CHD8: variants seen among roughly 807,000 people sequenced by gnomAD.
CHD8 encodes ATP-dependent chromatin remodeler CHD8.
In CHD8, 31 loss-of-function variants were observed where a neutral mutation model predicts 279.2. The observed-to-expected ratio is 0.11, with a 90% CI of 0.08 to 0.15. The LOEUF is 0.15. Among genes scored for constraint, CHD8 ranks in the 10% least tolerant of loss-of-function variants. The pLI, the probability that CHD8 is intolerant of heterozygous loss-of-function variation, is 1.00. For missense variants in CHD8, 2,146 were observed against 3,230.5 expected (o/e 0.66, Z 8.14); for synonymous variants, 1,081 against 1,139.6 (o/e 0.95, Z 1.04).
chr14:21,386,405 C>T (rs996560743), intron 37 of CHD8: 5 of 562,146 alleles, frequency 8.9e-6, no homozygotes, highest in Admixed American at 3.1e-5. Flanking sequence ...GATTTTGTAC[C>T]GAAACTCATA....
chr14:21,453,385 C>A (rs1465830569), intron 1 of CHD8, among the ~76,000 whole-genome samples: 3 of 151,560 alleles, frequency 2.0e-5, no homozygotes, highest in Middle Eastern at 3.2e-3. Context: ...GGAAAGTGAG[C>A]AAAATCACAG....
At chr14:21,448,814 C>T (rs1390200208) in intron 1 of CHD8, among the ~76,000 whole-genome samples, 2 of 151,174 alleles carry the variant, frequency 1.3e-5, no homozygotes, top group Non-Finnish European at 3.0e-5. Context: ...CCACCCGCCT[C>T]GCCCTCCCAA....
rs144897124 is a variant in CHD8, at chr14:21,417,059, G to A, written c.1717-1152C>T. 5.5e-3 allele frequency among the ~76,000 whole-genome samples: 837 copies of A among 152,170 alleles called. 9 individuals carry two copies. Among genetic ancestry groups the A allele is most frequent in the African/African-American group, 0.019 (800 of 41,532 alleles). ...AGGTTGCAGTGAGCAAACTTCATTA[G>A]TATAAAATTAATTTTATACCAATAC... On this transcript the variant is annotated intron_variant, in intron 5 of 37. Transcript: ENST00000646647.
rs2139427238 is a variant in CHD8 at position 21,385,457 on chromosome 14, A to T, written c.*156T>A. On this transcript the variant is annotated 3_prime_UTR_variant, in exon 38 of 38. Coordinates refer to ENST00000646647, the MANE Select transcript of CHD8 (RefSeq NM_001170629.2). ...CCCACCCAATCCTCTCATAATTGGG[A>T]GCAATCAGGTACATTTTTTTTTTTT... The T allele has an allele frequency of 8.2e-7, 1 of 1,213,120 alleles. No homozygotes were observed. Among genetic ancestry groups the T allele is most frequent in the East Asian group, 2.6e-5 (1 of 38,736 alleles). 75.1% of individuals were successfully genotyped at this position (1,213,120 alleles called of 1,614,324 possible). A position where few individuals can be genotyped will look rare whatever the true frequency, so the allele number is the denominator to read the frequency against.
Position 21,400,614 on chromosome 14 carries a change from TA to T in CHD8, c.4371-3del. ...AAAATATCTCGCCATCGTCCCCAAC[TA>T]AAAAACAGAAAACTATATTAACATT... On this transcript the variant is annotated splice_region_variant and splice_polypyrimidine_tract_variant and intron_variant, in intron 22 of 37. Coordinates refer to ENST00000646647, the MANE Select transcript of CHD8 (RefSeq NM_001170629.2). This position sits in a 1 kb window ranked among gnomAD's most constrained non-coding sequence, Gnocchi z 4.2. 6.4e-7 allele frequency: 1 copy of T among 1,565,770 alleles called. No individual in the cohort carries two copies. Among genetic ancestry groups the T allele is most frequent in the Non-Finnish European group, 8.6e-7 (1 of 1,163,682 alleles).
In CHD8 at chr14:21,431,811, C is replaced by T; in HGVS notation, c.-168G>A. 6 of 1,613,562 alleles carry T rather than the reference C, an allele frequency of 3.7e-6. No homozygotes were observed. The highest frequency in any genetic ancestry group is 5.1e-6 in the Non-Finnish European group (6 of 1,179,534). ...CAAGTGCATGTCAGATTGTCCTGACCTTCATGGAGCAAGATGGCTACGTCT... is the reference window on the plus strand; with the variant it reads ...CAAGTGCATGTCAGATTGTCCTGACTTTCATGGAGCAAGATGGCTACGTCT... On this transcript the variant is annotated 5_prime_UTR_variant, in exon 2 of 38. Coordinates refer to ENST00000646647, the MANE Select transcript of CHD8 (RefSeq NM_001170629.2).
rs745726816 is a variant in CHD8 at position 21,391,903 on chromosome 14, G to A, written c.6815C>T (p.Ala2272Val). The A allele has an allele frequency of 1.9e-5, 31 of 1,613,652 alleles. No homozygotes were observed. The highest frequency in any genetic ancestry group is 5.5e-5 in the South Asian group (5 of 91,066). ...ATGTCCATCTCCCATTACTCCATTC[G>A]CCATCAACTTGTGCTTCTGGAATGT... ...KLTFQKHKLM[A>V]NGVMGDGHPL... is the part of the protein sequence containing the mutation. The change falls in exon 35 of 38, where the codon GCG (alanine) becomes GTG (valine). Residue 2272 changes from alanine to valine, a missense_variant. By Grantham distance (64) the Ala-to-Val change is moderately conservative. Coordinates refer to ENST00000646647, the MANE Select transcript of CHD8 (RefSeq NM_001170629.2).
chr14:21,442,695 G>A lies in CHD8; in HGVS notation c.-215-10837C>T, dbSNP rs1480043111. 3.4e-3 allele frequency among the ~76,000 whole-genome samples: 274 copies of A among 79,614 alleles called. 5 individuals carry two copies. Among genetic ancestry groups the A allele is most frequent in the African/African-American group, 9.7e-3 (167 of 17,192 alleles). The allele number at this position is 79,614 out of a possible 152,430, so 52.2% of individuals were successfully genotyped here. On this transcript the variant is annotated intron_variant, in intron 1 of 37. Transcript: ENST00000646647. ...GGAGGAGAGGAGAGGGGAGGGGAGGGGAGGAGAGGAGAGGAGAGGAGAAGG... is the reference window on the plus strand; with the variant it reads ...GGAGGAGAGGAGAGGGGAGGGGAGGAGAGGAGAGGAGAGGAGAGGAGAAGG...
At chr14:21,401,789 T>A in intron 20 of CHD8, 168 bp downstream of exon 20, 1 of 634,622 alleles carries the variant, frequency 1.6e-6, no homozygotes, top group Non-Finnish European at 2.7e-6. Context: ...TTCACCATGT[T>A]GGGCAGGCTG....
At chr14:21,443,305 G>T (rs946542914) in intron 1 of CHD8, among the ~76,000 whole-genome samples, 1 of 151,930 alleles carries the variant, frequency 6.6e-6, no homozygotes, top group Non-Finnish European at 1.5e-5. Context: ...GCAGGAGAAT[G>T]GCGTGAACCC....
intron 9 of CHD8, 120 bp from the exon 10 acceptor site, chr14:21,413,116 T>C: frequency 1.5e-6 from 1 of 685,516 alleles, no homozygotes; most frequent in Non-Finnish European, 2.6e-6. Flanking sequence ...TTAGAAGCTA[T>C]CCGATGGGTG....
chr14:21,413,261 T>C (rs1346490137), intron 9 of CHD8, among the ~76,000 whole-genome samples: 1 of 152,232 alleles, frequency 6.6e-6, no homozygotes, highest in East Asian at 1.9e-4. Flanking sequence ...TTGCTTCTTG[T>C]ATTCTTAGGA....
intron 37 of CHD8, among the ~76,000 whole-genome samples, chr14:21,388,187 A>C (rs1887361317): frequency 1.3e-5 from 2 of 152,248 alleles, no homozygotes; most frequent in African/African-American, 4.8e-5. Flanking sequence ...AAATATTGAT[A>C]GTTTACTTTA....
intron 1 of CHD8, among the ~76,000 whole-genome samples, chr14:21,435,564 T>TA (rs1171816135): frequency 6.6e-6 from 1 of 152,224 alleles, no homozygotes; most frequent in African/African-American, 2.4e-5. Flanking sequence ...TATTTTGTTT[T>TA]AATTCTACCC....
intron 4 of CHD8, 53 bp from the exon 5 acceptor site, chr14:21,426,295 G>C (rs1889313953): frequency 2.2e-6 from 2 of 919,692 alleles, no homozygotes; most frequent in Admixed American, 4.9e-5. Flanking sequence ...AAATTTAGGA[G>C]TAAAAAAACA....
In CHD8 at chr14:21,415,642, C is replaced by T; in HGVS notation, c.1900G>A (p.Glu634Lys). 6.2e-7 allele frequency: 1 copy of T among 1,610,942 alleles called. No individual in the cohort carries two copies. ...GCTGCATCTTCTTCACTGGGATTCT[C>T]CTGCAGCAAAAGATGCAGTCAGTCA... is the stretch of plus-strand genomic sequence containing the variant. ...ETLPSMQFFV[E>K]NPSEEDAAIV... is the part of the protein sequence containing the mutation. The change falls in exon 7 of 38, where the codon GAG (glutamate) becomes AAG (lysine). Residue 634 changes from glutamate (E) to lysine (K), a missense_variant and splice_region_variant. By Grantham distance (56) the Glu-to-Lys change is moderately conservative. Around this residue, in one of 26 missense-constraint regions of CHD8, gnomAD observed 24 missense variants for 56.7 expected, o/e 0.42. Transcript: ENST00000646647.
chr14:21,397,699 T>C (rs1887850468), intron 27 of CHD8, 124 bp downstream of exon 27: 27 of 988,742 alleles, frequency 2.7e-5, no homozygotes, highest in Non-Finnish European at 3.8e-5. Flanking sequence ...GCTGGTCCTA[T>C]TTTTGCTAAG....
rs1190837627 is a variant in CHD8, at chr14:21,414,272, A to T, written c.2142+29T>A. ...CAGTAATTTGTGCTTCTGTGAAAGA[A>T]ATGACAGGCAATACCTATTCCTAAT... On this transcript the variant is annotated intron_variant, in intron 9 of 37. Transcript: ENST00000646647. 3 of 1,098,692 alleles carry T rather than the reference A, an allele frequency of 2.7e-6. No homozygotes were observed. The East Asian group carries it at 7.6e-5, about 28-fold the overall frequency. The allele number at this position is 1,098,692 out of a possible 1,614,324, so 68.1% of individuals were successfully genotyped here. A position where few individuals can be genotyped will look rare whatever the true frequency, so the allele number is the denominator to read the frequency against.
At chr14:21,426,033 T>C in intron 5 of CHD8, 95 bp downstream of exon 5, 1 of 728,542 alleles carries the variant, frequency 1.4e-6, no homozygotes, top group Non-Finnish European at 2.3e-6. Flanking sequence ...GCCAAAGAAA[T>C]GTGTATAGAC....
Sources: allele counts gnomAD v4.1 joint callset (sites outside exome capture counted in the v4.1 genomes callset), GRCh38; gene constraint gnomAD v4.1.1; regional missense constraint gnomAD v4.1.1; non-coding constraint Gnocchi (gnomAD v3.1); transcripts MANE v1.5; gene names NCBI Gene and HGNC (gene_info 2026-07-23, HGNC 2026-07-21).